Variants in SLC6A16 observed in about 807,000 individuals in gnomAD.
SLC6A16 encodes the protein solute carrier family 6 member 16.
SLC6A16 carries 54 observed loss-of-function variants against 65.4 expected under a neutral mutation model. The observed-to-expected ratio is 0.83, with a 90% CI of 0.66 to 1.04. The LOEUF is 1.04. Ranked by LOEUF, SLC6A16 falls within the 50% of genes least tolerant of loss-of-function variation. SLC6A16 has a pLI of 0.00. For synonymous variants in SLC6A16, 330 were observed against 346.5 expected (o/e 0.95, Z 0.53); for missense variants, 816 against 914.0 (o/e 0.89, Z 1.38).
Position 49,294,461 on chromosome 19 carries a change from ATGGAGG to A in SLC6A16, c.1316_1321del (p.Thr439_Ser440del). ...AAGGCCACTGAGCCAGGCATTGTAG[ATGGAGG>A]TTGGGTTGTAAAGCAGGTTGACAGG... On this transcript the variant is annotated inframe_deletion, in exon 8 of 12. Transcript: ENST00000335875. 6.2e-7 allele frequency: 1 copy of A among 1,614,048 alleles called. No homozygotes were observed. The highest frequency in any genetic ancestry group is 8.5e-7 in the Non-Finnish European group (1 of 1,180,004).
the SLC6A16 span, chr19:49,340,020 C>T: frequency 4.1e-6 from 6 of 1,473,058 alleles, no homozygotes; most frequent in Non-Finnish European, 5.4e-6. Flanking sequence ...GGCTTGCTTC[C>T]GACCTTACTC....
intron 7 of SLC6A16, among the ~76,000 whole-genome samples, chr19:49,296,156 T>C (rs1167296746): frequency 6.6e-6 from 1 of 151,984 alleles, no homozygotes. Context: ...CCAGCTAATT[T>C]TTGTATTTTT....
the SLC6A16 span, among the ~76,000 whole-genome samples, chr19:49,334,442 G>A: frequency 9.9e-5 from 15 of 152,074 alleles, no homozygotes; most frequent in African/African-American, 2.2e-4. Flanking sequence ...AGCTATGATC[G>A]CACTACTGCA....
upstream of SLC6A16, chr19:49,325,331 T>TGGG: frequency 2.1e-5 from 16 of 760,148 alleles, no homozygotes; most frequent in Non-Finnish European, 2.6e-5. Flanking sequence ...CACGCACGTG[T>TGGG]GCACATCCTC....
At chr19:49,303,844 A>G (rs1290921389) in intron 7 of SLC6A16, among the ~76,000 whole-genome samples, 4 of 152,212 alleles carry the variant, frequency 2.6e-5, no homozygotes, top group African/African-American at 9.6e-5. Flanking sequence ...TTAAATTTTT[A>G]CAGAAGTACA....
At chr19:49,335,994 T>G in the SLC6A16 span, 1 of 595,322 alleles carries the variant, frequency 1.7e-6, no homozygotes, top group Non-Finnish European at 3.0e-6. This position sits in a 1 kb window ranked among gnomAD's most constrained non-coding sequence, Gnocchi z 4.6. Context: ...GAGAGCCATT[T>G]CTCAAGCACT....
At chr19:49,305,143 C>T (rs924882271) in intron 7 of SLC6A16, among the ~76,000 whole-genome samples, 2 of 152,220 alleles carry the variant, frequency 1.3e-5, no homozygotes, top group African/African-American at 4.8e-5. Context: ...TACTTCGCTT[C>T]AAGACACTTT....
At chr19:49,304,855 A>G (rs1232033322) in intron 7 of SLC6A16, among the ~76,000 whole-genome samples, 1 of 152,262 alleles carries the variant, frequency 6.6e-6, no homozygotes, top group African/African-American at 2.4e-5. Flanking sequence ...ATTTTGCTTT[A>G]AACTATGACA....
At chr19:49,339,253 T>C in the SLC6A16 span, 2 of 1,321,978 alleles carry the variant, frequency 1.5e-6, no homozygotes, top group Admixed American at 1.8e-5. This position sits in a 1 kb window ranked among gnomAD's most constrained non-coding sequence, Gnocchi z 4.5. Context: ...ACGGTGAGGG[T>C]TGGCCTGAAA....
At chr19:49,312,022 G>C (rs147726796) in intron 1 of SLC6A16, among the ~76,000 whole-genome samples, 2 of 150,208 alleles carry the variant, frequency 1.3e-5, no homozygotes, top group African/African-American at 2.4e-5. Flanking sequence ...GATTACAGGC[G>C]CCCACTACCA....
rs751813142 is a variant in SLC6A16, at chr19:49,309,713, AG to A, written c.813del (p.Phe272SerfsTer12). The A allele has an allele frequency of 2.5e-6, 4 of 1,614,118 alleles. No individual in the cohort carries two copies. The highest frequency in any genetic ancestry group is 3.4e-6 in the Non-Finnish European group (4 of 1,179,996). On this transcript the variant is annotated frameshift_variant, in exon 5 of 12. Coordinates refer to ENST00000335875, the MANE Select transcript of SLC6A16 (RefSeq NM_014037.3). LOFTEE classifies it high-confidence loss of function. ...GGSPVYSLVL[P>X]FFLCWCLVGA... Reference sequence around the variant, plus strand: ...CCAACAAGACACCAGCAAAGAAAGAAGGGCAGGACCAGACTGTAGACTGGTG... The same window carrying A: ...CCAACAAGACACCAGCAAAGAAAGAAGGCAGGACCAGACTGTAGACTGGTG...
intron 1 of SLC6A16, among the ~76,000 whole-genome samples, chr19:49,318,280 G>A (rs1441309026): frequency 6.6e-6 from 1 of 152,176 alleles, no homozygotes; most frequent in African/African-American, 2.4e-5. Flanking sequence ...CCAGTGTGGA[G>A]AGACTTTACT....
At chr19:49,336,027 C>T in the SLC6A16 span, 1 of 555,076 alleles carries the variant, frequency 1.8e-6, no homozygotes, top group South Asian at 2.3e-5. Context: ...GGACTTGTGG[C>T]TGGTCAGATG....
In SLC6A16 at chr19:49,296,993, A is replaced by T. The variant is rs191684870; in HGVS notation, c.1230-2440T>A. On this transcript the variant is annotated intron_variant, in intron 7 of 11. Transcript: ENST00000335875. Reference sequence around the variant, plus strand: ...AACAGAGTGAGACCCTATCTCAAAAAATATATATATATTTGCAACTTTGAG... The same window carrying T: ...AACAGAGTGAGACCCTATCTCAAAATATATATATATATTTGCAACTTTGAG... Among the ~76,000 whole-genome samples, 34 of 152,192 alleles carry T rather than the reference A, an allele frequency of 2.2e-4. 1 individual carries two copies. Among genetic ancestry groups the T allele is most frequent in the Admixed American group, 1.1e-3 (17 of 15,274 alleles).
chr19:49,316,729 T>C (rs1484525946), intron 1 of SLC6A16, among the ~76,000 whole-genome samples: 1 of 151,786 alleles, frequency 6.6e-6, no homozygotes, highest in Non-Finnish European at 1.5e-5. Context: ...ACAAGAATGA[T>C]GAAGGATAGG....
intron 7 of SLC6A16, among the ~76,000 whole-genome samples, chr19:49,294,854 C>G (rs939329188): frequency 6.6e-6 from 1 of 152,100 alleles, no homozygotes; most frequent in Non-Finnish European, 1.5e-5. Context: ...CCTTCCCTCT[C>G]CACTGAGACT....
chr19:49,298,154 A>AG (rs1400856090), intron 7 of SLC6A16, among the ~76,000 whole-genome samples: 5 of 152,192 alleles, frequency 3.3e-5, no homozygotes, highest in African/African-American at 1.2e-4. Context: ...GATATATTAC[A>AG]GTGAAGGTGT....
At chr19:49,330,228 C>T in the SLC6A16 span, among the ~76,000 whole-genome samples, 1 of 152,076 alleles carries the variant, frequency 6.6e-6, no homozygotes, top group Non-Finnish European at 1.5e-5. Flanking sequence ...TCAATAGTTT[C>T]GTTTTGGGCG....
chr19:49,337,598 G>T, the SLC6A16 span: 11 of 1,417,496 alleles, frequency 7.8e-6, no homozygotes, highest in South Asian at 8.7e-5. Flanking sequence ...GACAGAGTGA[G>T]ACCCTGTCTC....
Sources: allele counts gnomAD v4.1 joint callset (sites outside exome capture counted in the v4.1 genomes callset), GRCh38; gene constraint gnomAD v4.1.1; non-coding constraint Gnocchi (gnomAD v3.1); transcripts MANE v1.5; gene names NCBI Gene and HGNC (gene_info 2026-07-23, HGNC 2026-07-21).